Variants in SNX30 observed in about 807,000 individuals in gnomAD.
The protein encoded by SNX30 is sorting nexin-30.
Under a neutral mutation model 46.4 loss-of-function variants are expected in SNX30, and 24 were observed. The observed-to-expected ratio is 0.52, with a 90% CI of 0.37 to 0.73. The LOEUF is 0.73. Among genes scored for constraint, SNX30 ranks in the 30% least tolerant of loss-of-function variants. The pLI is 0.00. For synonymous variants in SNX30, 189 were observed against 211.5 expected, an observed-to-expected ratio of 0.89 and a Z score of 0.92; for missense variants, 533 against 555.7, an observed-to-expected ratio of 0.96 and a Z score of 0.41.
downstream of SNX30, among the ~76,000 whole-genome samples, chr9:112,875,595 A>G (rs929213272): frequency 2.0e-5 from 3 of 152,312 alleles, 1 homozygote; most frequent in South Asian, 6.2e-4. Flanking sequence ...AGACTTCCAC[A>G]TGGGGTTGTC....
At chr9:112,866,253 T>G (rs7869100) in intron 8 of SNX30, among the ~76,000 whole-genome samples, 1 of 152,026 alleles carries the variant, frequency 6.6e-6, no homozygotes, top group African/African-American at 2.4e-5. Context: ...GAGAAAATAC[T>G]AGGGGGCATA....
chr9:112,846,722 G>T (rs1009808189), intron 6 of SNX30, among the ~76,000 whole-genome samples: 3 of 152,166 alleles, frequency 2.0e-5, no homozygotes, highest in African/African-American at 7.2e-5. Context: ...TCTCTGTGGG[G>T]GGTGAGCTGC....
chr9:112,850,935 A>T lies in SNX30; in HGVS notation c.1091A>T (p.Asp364Val), dbSNP rs1841014450. 1.9e-6 allele frequency: 3 copies of T among 1,613,802 alleles called. No individual in the cohort carries two copies. The highest frequency in any genetic ancestry group is 2.5e-6 in the Non-Finnish European group (3 of 1,179,960). ...GAAGCTGTGGCTCTGCGGAAGGAAG[A>T]CCGCCCCAAGGTCAGGGAAGCCACC... ...KLEAVALRKE[D>V]RPKVPADVEK... is the part of the protein sequence containing the mutation. Residue 364 changes from aspartate to valine, a missense_variant, in exon 7 of 9, where the codon GAC becomes GTC. Physicochemically the swap from Asp to Val is radical, Grantham distance 152. Coordinates refer to ENST00000374232, the MANE Select transcript of SNX30 (RefSeq NM_001012994.2).
intron 2 of SNX30, among the ~76,000 whole-genome samples, chr9:112,816,801 A>C (rs922833550): frequency 6.6e-6 from 1 of 152,188 alleles, no homozygotes; most frequent in Non-Finnish European, 1.5e-5. Context: ...ATTTCTGAGA[A>C]CCATGACAGT....
chr9:112,841,584 A>G (rs1753611055), intron 6 of SNX30, among the ~76,000 whole-genome samples: 1 of 152,236 alleles, frequency 6.6e-6, no homozygotes, highest in East Asian at 1.9e-4. Flanking sequence ...GCTGAGTCCA[A>G]TTAATAAGAA....
chr9:112,824,826 T>A (rs1269647192), intron 3 of SNX30, among the ~76,000 whole-genome samples: 1 of 152,200 alleles, frequency 6.6e-6, no homozygotes, highest in Non-Finnish European at 1.5e-5. Context: ...ATATTACACA[T>A]CACCATTTTA....
At chr9:112,858,817 C>T (rs1442865484) in intron 7 of SNX30, among the ~76,000 whole-genome samples, 1 of 152,158 alleles carries the variant, frequency 6.6e-6, no homozygotes, top group Non-Finnish European at 1.5e-5. Context: ...TCCCGAGTGA[C>T]TTTTGCTGAG....
At chr9:112,833,811 G>A (rs1840707247) in intron 4 of SNX30, among the ~76,000 whole-genome samples, 1 of 152,188 alleles carries the variant, frequency 6.6e-6, no homozygotes, top group Non-Finnish European at 1.5e-5. Flanking sequence ...AAGGCCTTGT[G>A]CCTTTGAGGA....
chr9:112,859,704 C>T (rs577302194), intron 7 of SNX30, among the ~76,000 whole-genome samples: 121 of 151,826 alleles, frequency 8.0e-4, no homozygotes, highest in African/African-American at 2.7e-3. Flanking sequence ...CTCCGCCTCC[C>T]GGAGACCAGC....
chr9:112,838,408 A>C, intron 5 of SNX30, 90 bp from the exon 6 acceptor site: 1 of 1,054,120 alleles, frequency 9.5e-7, no homozygotes, highest in Non-Finnish European at 1.4e-6. Flanking sequence ...ATGTTCATGT[A>C]GAGAGCTCTT....
At chr9:112,827,676 GT>G in intron 3 of SNX30, among the ~76,000 whole-genome samples, 1 of 152,106 alleles carries the variant, frequency 6.6e-6, no homozygotes, top group South Asian at 2.1e-4. Context: ...CTTATTTCTG[GT>G]TTGTTTTTGT....
chr9:112,765,557 T>G (rs905025314), intron 1 of SNX30, among the ~76,000 whole-genome samples: 2 of 152,186 alleles, frequency 1.3e-5, no homozygotes, highest in African/African-American at 4.8e-5. Context: ...TGTGTGGCCT[T>G]TCGTGCCTGG....
chr9:112,752,960 T>C lies in SNX30; in HGVS notation c.156+1803T>C, dbSNP rs563047769. On this transcript the variant is annotated intron_variant, in intron 1 of 8. Transcript: ENST00000374232. ...TAGGGCTGTTTGATGTGGCAACTGG[T>C]TTTTCCCCCCAGAGCAAGTGATCCA... Among the ~76,000 whole-genome samples, 107 of 152,188 alleles carry C rather than the reference T, an allele frequency of 7.0e-4. No homozygotes were observed. In the South Asian group the frequency reaches 8.1e-3, roughly 12 times the overall value.
intron 6 of SNX30, among the ~76,000 whole-genome samples, chr9:112,840,643 A>C (rs1169830344): frequency 6.6e-6 from 1 of 151,228 alleles, no homozygotes; most frequent in African/African-American, 2.4e-5. Flanking sequence ...CCGCCACCAC[A>C]CCCAGCTAAT....
At chr9:112,797,130 C>G (rs971916353) in intron 1 of SNX30, among the ~76,000 whole-genome samples, 2 of 152,196 alleles carry the variant, frequency 1.3e-5, no homozygotes, top group African/African-American at 4.8e-5. Context: ...TGTTCTGTTA[C>G]CAAACCTCCA....
intron 7 of SNX30, among the ~76,000 whole-genome samples, chr9:112,853,555 T>C (rs1310497968): frequency 6.6e-6 from 1 of 152,246 alleles, no homozygotes; most frequent in Non-Finnish European, 1.5e-5. Context: ...ATAGGATGAT[T>C]TATTTGTATA....
At chr9:112,860,119 T>G (rs1841203807) in intron 7 of SNX30, among the ~76,000 whole-genome samples, 2 of 152,074 alleles carry the variant, frequency 1.3e-5, no homozygotes. Flanking sequence ...CTAATTTTAT[T>G]GTATTTTCAG....
At chr9:112,755,763 G>A (rs564417711) in intron 1 of SNX30, among the ~76,000 whole-genome samples, 2 of 151,968 alleles carry the variant, frequency 1.3e-5, no homozygotes, top group East Asian at 3.9e-4. Flanking sequence ...GTGATGTCGG[G>A]GATCTGTCAC....
At chr9:112,845,315 T>G (rs1284959230) in intron 6 of SNX30, among the ~76,000 whole-genome samples, 1 of 151,456 alleles carries the variant, frequency 6.6e-6, no homozygotes, top group Non-Finnish European at 1.5e-5. Flanking sequence ...AAACCGACTG[T>G]GGGGGAAAAA....
Sources: gnomAD v4.1 joint callset for allele counts (sites outside exome capture counted in the v4.1 genomes callset) on GRCh38, gnomAD v4.1.1 for gene constraint, MANE v1.5 for transcripts, NCBI Gene and HGNC (gene_info 2026-07-23, HGNC 2026-07-21) for gene names.